ACYP2: variants seen among roughly 807,000 people sequenced by gnomAD.
ACYP2 encodes acylphosphatase-2.
A neutral mutation model predicts 11.2 loss-of-function variants in ACYP2; 12 were observed. The ratio of observed to expected loss-of-function variants is 1.08; its 90% CI spans 0.69 to 1.74. The LOEUF (loss-of-function observed/expected upper bound fraction) is 1.74. Among genes scored for constraint, ACYP2 ranks in the 40% most tolerant of loss-of-function variants. ACYP2 has a pLI of 0.00. For missense variants in ACYP2, 134 were observed against 101.9 expected (o/e 1.31, Z -1.35); for synonymous variants, 43 against 32.2 (o/e 1.33, Z -1.13).
At chr2:54,012,446 G>A (rs1011126033) in intron 2 of ACYP2, among the ~76,000 whole-genome samples, 3 of 152,206 alleles carry the variant, frequency 2.0e-5, no homozygotes, top group Non-Finnish European at 4.4e-5. Context: ...AGCCCAGGAG[G>A]TTGAGGCTGC....
chr2:54,173,882 T>C (rs1166169619), intron 6 of ACYP2, among the ~76,000 whole-genome samples: 3 of 152,218 alleles, frequency 2.0e-5, no homozygotes, highest in Admixed American at 6.5e-5. Context: ...TTCTGTTCCA[T>C]TGGTATATAT....
chr2:54,014,994 A>G (rs974819856), intron 2 of ACYP2, among the ~76,000 whole-genome samples: 2 of 152,100 alleles, frequency 1.3e-5, no homozygotes, highest in Non-Finnish European at 2.9e-5. Flanking sequence ...TGAATTTAGG[A>G]CAATATCCTA....
chr2:54,202,337 T>C (rs1682114), intron 6 of ACYP2, among the ~76,000 whole-genome samples: 48,581 of 149,354 alleles, frequency 0.33, 8,274 homozygotes, highest in South Asian at 0.44. Flanking sequence ...AAACTCCTGA[T>C]CTCAGGTGAT....
At chr2:54,111,999 A>C (rs1679485486) in intron 4 of ACYP2, among the ~76,000 whole-genome samples, 1 of 152,200 alleles carries the variant, frequency 6.6e-6, no homozygotes, top group African/African-American at 2.4e-5. Context: ...TCTGTGTATT[A>C]TCTATCCTTA....
intron 4 of ACYP2, among the ~76,000 whole-genome samples, chr2:54,071,921 G>A (rs1677067922): frequency 6.6e-6 from 1 of 152,066 alleles, no homozygotes; most frequent in Non-Finnish European, 1.5e-5. Flanking sequence ...TGAGGCAGGA[G>A]AATCATTTGA....
At chr2:53,979,071 A>C (rs1023370797) in intron 2 of ACYP2, among the ~76,000 whole-genome samples, 2 of 152,126 alleles carry the variant, frequency 1.3e-5, no homozygotes, top group Non-Finnish European at 2.9e-5. Flanking sequence ...AAAAAAAAAA[A>C]GGTAACTGTA....
At chr2:54,100,775 T>G (rs1335153739) in intron 4 of ACYP2, among the ~76,000 whole-genome samples, 1 of 152,216 alleles carries the variant, frequency 6.6e-6, no homozygotes, top group Non-Finnish European at 1.5e-5. Flanking sequence ...TTCTATTTTT[T>G]GAATAATGGT....
At chr2:53,982,019 G>A (rs1573440073) in intron 2 of ACYP2, among the ~76,000 whole-genome samples, 1 of 152,278 alleles carries the variant, frequency 6.6e-6, no homozygotes, top group Admixed American at 6.5e-5. Flanking sequence ...TGTAGGAGGT[G>A]ACAGCTTCCC....
chr2:54,192,958 G>C (rs931296867), intron 6 of ACYP2, among the ~76,000 whole-genome samples: 7 of 152,174 alleles, frequency 4.6e-5, no homozygotes, highest in African/African-American at 1.7e-4. Context: ...TCCTACCCTT[G>C]ACGTGGGGAT....
intron 4 of ACYP2, among the ~76,000 whole-genome samples, chr2:54,062,432 AT>A (rs1676518350): frequency 1.3e-5 from 2 of 152,190 alleles, no homozygotes; most frequent in Non-Finnish European, 2.9e-5. Context: ...GAAAATAAGT[AT>A]TTTTAGTTGC....
chr2:54,193,505 G>C (rs1276396212), intron 6 of ACYP2, among the ~76,000 whole-genome samples: 1 of 152,068 alleles, frequency 6.6e-6, no homozygotes, highest in Non-Finnish European at 1.5e-5. Flanking sequence ...TTCTTGAATT[G>C]GCACACACTT....
intron 6 of ACYP2, among the ~76,000 whole-genome samples, chr2:54,221,941 G>T (rs2695648): frequency 0.24 from 35,737 of 151,926 alleles, 4,512 homozygotes; most frequent in South Asian, 0.37. Context: ...TAGGAACCAT[G>T]GCTGGCATTT....
chr2:54,000,101 A>G (rs908979548), intron 2 of ACYP2, among the ~76,000 whole-genome samples: 44 of 151,844 alleles, frequency 2.9e-4, no homozygotes, highest in African/African-American at 9.6e-4. Context: ...AGAAATTTCT[A>G]TATACTTATT....
intron 6 of ACYP2, among the ~76,000 whole-genome samples, chr2:54,198,443 T>C (rs1684609058): frequency 6.6e-6 from 1 of 152,018 alleles, no homozygotes; most frequent in Non-Finnish European, 1.5e-5. Context: ...AGCTACATAG[T>C]TTGTGGGGCC....
intron 6 of ACYP2, among the ~76,000 whole-genome samples, chr2:54,175,774 A>C (rs1314928881): frequency 6.6e-6 from 1 of 152,086 alleles, no homozygotes; most frequent in Non-Finnish European, 1.5e-5. Flanking sequence ...TTCTTTAGTA[A>C]TAGAAACCCT....
intron 2 of ACYP2, among the ~76,000 whole-genome samples, chr2:53,997,397 C>T (rs1205044570): frequency 4.6e-5 from 7 of 152,144 alleles, no homozygotes; most frequent in African/African-American, 7.2e-5. Flanking sequence ...CCTCTGCCTT[C>T]CGGCTTCAAG....
chr2:54,239,340 T>C (rs1476991878), intron 6 of ACYP2, among the ~76,000 whole-genome samples: 2 of 152,190 alleles, frequency 1.3e-5, no homozygotes, highest in African/African-American at 2.4e-5. Flanking sequence ...AGACCAAGAA[T>C]GGCCTCTGTC....
At chr2:54,028,316 G>T (rs970414308) in intron 2 of ACYP2, among the ~76,000 whole-genome samples, 1 of 152,120 alleles carries the variant, frequency 6.6e-6, no homozygotes, top group Non-Finnish European at 1.5e-5. Flanking sequence ...ATGGGTTAAG[G>T]GGACGAGAAT....
At chr2:54,205,318 G>A (rs1052587284) in intron 6 of ACYP2, among the ~76,000 whole-genome samples, 2 of 152,206 alleles carry the variant, frequency 1.3e-5, no homozygotes, top group Non-Finnish European at 2.9e-5. Context: ...AAAGCAGTCA[G>A]CATCTGAGAT....
Sources: allele counts gnomAD v4.1 joint callset (sites outside exome capture counted in the v4.1 genomes callset), GRCh38; gene constraint gnomAD v4.1.1; transcripts MANE v1.5; gene names NCBI Gene and HGNC (gene_info 2026-07-23, HGNC 2026-07-21).